EYA2: variants seen among roughly 807,000 people sequenced by gnomAD.
The protein encoded by EYA2 is protein phosphatase EYA2.
A neutral mutation model predicts 69.2 loss-of-function variants in EYA2; 31 were observed. That is an observed-to-expected ratio of 0.45 (90% CI 0.34 to 0.60). The LOEUF (loss-of-function observed/expected upper bound fraction) is 0.60. EYA2 is among the 20% of genes least tolerant of loss of function. The pLI is 0.02. For synonymous variants in EYA2, 257 were observed against 279.4 expected (o/e 0.92, Z 0.80); for missense variants, 622 against 701.2 (o/e 0.89, Z 1.28).
chr20:47,053,897 G>A lies in EYA2; in HGVS notation c.416-18288G>A, dbSNP rs75348958. Among the ~76,000 whole-genome samples the A allele has an allele frequency of 2.3e-4, 35 of 151,882 alleles. 1 individual carries two copies. In the East Asian group the frequency reaches 5.5e-3, roughly 24 times the overall value. ...GTCAGGTTAGGATCCGAGTAGAGTCGTTAGGGTCATAGACTCAAGGCGGAC... is the reference window on the plus strand; with the variant it reads ...GTCAGGTTAGGATCCGAGTAGAGTCATTAGGGTCATAGACTCAAGGCGGAC... On this transcript the variant is annotated intron_variant, in intron 5 of 15. Transcript: ENST00000327619.
intron 10 of EYA2, chr20:47,160,746 T>G (rs764651579): frequency 2.6e-5 from 4 of 155,168 alleles, no homozygotes; most frequent in African/African-American, 7.2e-5. Flanking sequence ...TGATAGGCAC[T>G]GTGAGGGCAA....
chr20:46,957,005 C>T (rs977163385), intron 1 of EYA2, among the ~76,000 whole-genome samples: 10 of 152,190 alleles, frequency 6.6e-5, no homozygotes, highest in Non-Finnish European at 1.5e-4. Flanking sequence ...CACTGGGTCC[C>T]TCCCATGATA....
chr20:46,904,178 G>C (rs1272643679), intron 1 of EYA2, among the ~76,000 whole-genome samples: 1 of 152,136 alleles, frequency 6.6e-6, no homozygotes, highest in African/African-American at 2.4e-5. Flanking sequence ...GGAGACAGCA[G>C]TTAACTGTTC....
At chr20:46,958,718 G>A (rs887988200) in intron 1 of EYA2, among the ~76,000 whole-genome samples, 6 of 152,200 alleles carry the variant, frequency 3.9e-5, no homozygotes. Flanking sequence ...ATAGGCTCCA[G>A]TGTCTGCTGT....
At chr20:46,985,972 T>G (rs564599395) in intron 1 of EYA2, among the ~76,000 whole-genome samples, 1 of 152,298 alleles carries the variant, frequency 6.6e-6, no homozygotes, top group Admixed American at 6.5e-5. Context: ...ACTAGTGATA[T>G]TTTTTAACCT....
intron 1 of EYA2, among the ~76,000 whole-genome samples, chr20:46,930,831 A>C (rs2146250689): frequency 6.6e-6 from 1 of 152,322 alleles, no homozygotes; most frequent in East Asian, 1.9e-4. Flanking sequence ...CTGTGCCAGG[A>C]ACCTTATGGA....
chr20:46,975,368 A>G (rs774717991), intron 1 of EYA2, among the ~76,000 whole-genome samples: 13 of 152,152 alleles, frequency 8.5e-5, no homozygotes, highest in Non-Finnish European at 1.9e-4. Context: ...ATCTAAAACT[A>G]TCTCAAAATA....
intron 2 of EYA2, chr20:46,998,141 T>A (rs1480196367): frequency 6.0e-6 from 1 of 165,384 alleles, no homozygotes; most frequent in Non-Finnish European, 1.3e-5. Context: ...AGGTCATTCC[T>A]GAGCTGAACA....
At chr20:47,051,234 C>T (rs1420176078) in intron 5 of EYA2, among the ~76,000 whole-genome samples, 2 of 152,244 alleles carry the variant, frequency 1.3e-5, no homozygotes, top group Non-Finnish European at 2.9e-5. Flanking sequence ...GCACGGTGCA[C>T]GTGGCTGGCA....
At chr20:46,946,767 G>A (rs923403346) in intron 1 of EYA2, among the ~76,000 whole-genome samples, 2 of 152,138 alleles carry the variant, frequency 1.3e-5, no homozygotes, top group Non-Finnish European at 2.9e-5. Flanking sequence ...ATAGTTTACT[G>A]ACTGCCCCCT....
chr20:47,165,028 G>A (rs1037666994), intron 10 of EYA2, among the ~76,000 whole-genome samples: 2 of 152,172 alleles, frequency 1.3e-5, no homozygotes, highest in Non-Finnish European at 2.9e-5. Context: ...TAAAATATCT[G>A]CAGCGTTCAC....
At chr20:47,005,721 A>C (rs1056133450) in intron 4 of EYA2, among the ~76,000 whole-genome samples, 1 of 152,218 alleles carries the variant, frequency 6.6e-6, no homozygotes, top group Non-Finnish European at 1.5e-5. Flanking sequence ...CAGAAGAAGG[A>C]GAAATGGATG....
At chr20:46,999,601 A>G (rs1232535539) in intron 2 of EYA2, among the ~76,000 whole-genome samples, 1 of 152,234 alleles carries the variant, frequency 6.6e-6, no homozygotes, top group African/African-American at 2.4e-5. Flanking sequence ...CTGCCATCGT[A>G]TATCATAAAA....
chr20:47,115,878 G>T (rs969449281), intron 9 of EYA2, among the ~76,000 whole-genome samples: 1 of 152,166 alleles, frequency 6.6e-6, no homozygotes, highest in Non-Finnish European at 1.5e-5. Context: ...CTTTCACCTT[G>T]ATCTCTTTCA....
In EYA2 at chr20:47,180,956, C is replaced by T. The variant is rs376546202; in HGVS notation, c.1435+20C>T. 25 of 1,611,550 alleles carry T rather than the reference C, an allele frequency of 1.6e-5. No homozygotes were observed. Among genetic ancestry groups the T allele is most frequent in the African/African-American group, 2.7e-5 (2 of 74,862 alleles). On this transcript the variant is annotated intron_variant, in intron 14 of 15. Coordinates refer to ENST00000327619, the MANE Select transcript of EYA2 (RefSeq NM_005244.5). Reference sequence around the variant, plus strand: ...AGACAGGTAGGGAGAAGCCACACCTCGGCGGGGATACAGGGTTGGAGGGTG... The same window carrying T: ...AGACAGGTAGGGAGAAGCCACACCTTGGCGGGGATACAGGGTTGGAGGGTG...
At chr20:47,164,473 G>T (rs1367244789) in intron 10 of EYA2, among the ~76,000 whole-genome samples, 1 of 152,188 alleles carries the variant, frequency 6.6e-6, no homozygotes, top group Non-Finnish European at 1.5e-5. Flanking sequence ...GGAAAGGCCT[G>T]GGGGGCGGAG....
chr20:46,975,304 T>C (rs1337389354), intron 1 of EYA2, among the ~76,000 whole-genome samples: 3 of 152,174 alleles, frequency 2.0e-5, no homozygotes, highest in Non-Finnish European at 4.4e-5. Flanking sequence ...GTGGAAGACA[T>C]TGGGTGAAGG....
In EYA2 at chr20:47,181,238, C is replaced by T. The variant is rs117781360; in HGVS notation, c.1435+302C>T. Among the ~76,000 whole-genome samples, 830 of 152,324 alleles carry T rather than the reference C, an allele frequency of 5.4e-3. 29 individuals carry two copies. The East Asian group carries it at 0.08, about 15-fold the overall frequency. Reference sequence around the variant, plus strand: ...CAAAAGAGTCAAAGCTGATTTCTCCCTAGTAGAACAGACAGAGGTGAGTGA... The same window carrying T: ...CAAAAGAGTCAAAGCTGATTTCTCCTTAGTAGAACAGACAGAGGTGAGTGA... On this transcript the variant is annotated intron_variant, in intron 14 of 15. Coordinates refer to ENST00000327619, the MANE Select transcript of EYA2 (RefSeq NM_005244.5).
intron 8 of EYA2, among the ~76,000 whole-genome samples, chr20:47,090,921 A>G (rs1199126398): frequency 2.6e-5 from 4 of 152,150 alleles, no homozygotes; most frequent in Non-Finnish European, 5.9e-5. Flanking sequence ...CAAGGGAGGA[A>G]AATGAGCAAA....
Sources: gnomAD v4.1 joint callset for allele counts (sites outside exome capture counted in the v4.1 genomes callset) on GRCh38, gnomAD v4.1.1 for gene constraint, MANE v1.5 for transcripts, NCBI Gene and HGNC (gene_info 2026-07-23, HGNC 2026-07-21) for gene names.